Variants in PFKM observed in about 807,000 individuals in gnomAD.
PFKM encodes phosphofructokinase, muscle.
Under a neutral mutation model 95.5 loss-of-function variants are expected in PFKM, and 58 were observed. The ratio of observed to expected loss-of-function variants is 0.61; its 90% confidence interval spans 0.49 to 0.76. The LOEUF is 0.76. Ranked by LOEUF, PFKM falls within the 30% of genes least tolerant of loss-of-function variation. The pLI is 0.00. For synonymous variants in PFKM, 336 were observed against 357.2 expected, an observed-to-expected ratio of 0.94 and a Z score of 0.67; for missense variants, 678 against 1,005.4, an observed-to-expected ratio of 0.67 and a Z score of 4.40.
intron 5 of PFKM, 73 bp from the exon 6 acceptor site, chr12:48,133,242 C>T (rs1949702084): frequency 3.6e-6 from 5 of 1,396,496 alleles, no homozygotes; most frequent in South Asian, 1.2e-5. Flanking sequence ...GAGTTTCTCT[C>T]TCTCTAGATA....
Position 48,111,739 on chromosome 12 carries a change from G to C in PFKM, c.205+3545G>C, listed in dbSNP as rs139284469. Among the ~76,000 whole-genome samples, 428 of 152,276 alleles carry C rather than the reference G, an allele frequency of 2.8e-3. 1 individual carries two copies. The highest frequency in any genetic ancestry group is 4.1e-3 in the Non-Finnish European group (282 of 68,026). On this transcript the variant is annotated intron_variant, in intron 3 of 24. Transcript: ENST00000340802. ...GGGCAAATGGAGTGAATATCGGGTG[G>C]ATCAAAGAGAGACAGTCATGGGGGT...
intron 2 of PFKM, chr12:48,125,274 A>C: frequency 2.3e-6 from 1 of 436,452 alleles, no homozygotes; most frequent in Middle Eastern, 3.4e-4. Context: ...CTGTCTCCAG[A>C]TAGCCAGCCA....
At chr12:48,111,725 G>C (rs1208981884) in intron 3 of PFKM, among the ~76,000 whole-genome samples, 1 of 152,204 alleles carries the variant, frequency 6.6e-6, no homozygotes, top group African/African-American at 2.4e-5. Flanking sequence ...GGCAAATGGA[G>C]TGAATATCGG....
upstream of PFKM, among the ~76,000 whole-genome samples, chr12:48,115,230 C>T (rs967325651): frequency 3.9e-5 from 6 of 152,116 alleles, no homozygotes; most frequent in South Asian, 4.2e-4. Context: ...GCTGCTGACC[C>T]GGGTCTTCGG....
chr12:48,115,951 C>A (rs1454636274), upstream of PFKM, among the ~76,000 whole-genome samples: 1 of 152,004 alleles, frequency 6.6e-6, no homozygotes, highest in Non-Finnish European at 1.5e-5. Flanking sequence ...TAGGTATATA[C>A]CTAGGAGTGG....
At chr12:48,114,517 T>C (rs1947499074), upstream of PFKM, among the ~76,000 whole-genome samples, 1 of 152,038 alleles carries the variant, frequency 6.6e-6, no homozygotes, top group Non-Finnish European at 1.5e-5. Flanking sequence ...GAAGAAGAGT[T>C]GGAGCCTGAT....
intron 1 of PFKM, among the ~76,000 whole-genome samples, chr12:48,121,835 T>G (rs1592652780): frequency 6.6e-6 from 1 of 152,304 alleles, no homozygotes; most frequent in East Asian, 1.9e-4. Context: ...GTTACTGTTT[T>G]GAATCTGAGA....
At chr12:48,105,518 G>GA (rs1946464020), upstream of PFKM, 4 of 519,014 alleles carry the variant, frequency 7.7e-6, no homozygotes, top group East Asian at 2.2e-4. Context: ...ACATCTCAGG[G>GA]AGATACCACA....
intron 2 of PFKM, among the ~76,000 whole-genome samples, chr12:48,126,912 A>T (rs1448644894): frequency 6.6e-6 from 1 of 152,332 alleles, no homozygotes. Flanking sequence ...CCTTTCACAC[A>T]CATAGGCTAT....
At chr12:48,122,998 C>G in intron 2 of PFKM, 139 bp downstream of exon 2, 1 of 710,154 alleles carries the variant, frequency 1.4e-6, no homozygotes, top group Non-Finnish European at 2.5e-6. Context: ...AGGCCTAAGT[C>G]CTCAAGTGCA....
chr12:48,108,130 C>T, exon 3 of PFKM: 4 of 1,599,124 alleles, frequency 2.5e-6, no homozygotes, highest in Non-Finnish European at 2.5e-6. Context: ...AGACAGACAT[C>T]TTGAAGAGTC....
chr12:48,136,065 T>C (rs1311664687), intron 10 of PFKM, among the ~76,000 whole-genome samples: 2 of 152,036 alleles, frequency 1.3e-5, no homozygotes, highest in Non-Finnish European at 2.9e-5. Flanking sequence ...TATTTTGTAT[T>C]TTTAGTAGAG....
At position 48,140,872 on chromosome 12, in the gene PFKM, G is replaced by A; in HGVS notation, c.1341+1G>A. On this transcript the variant is annotated splice_donor_variant, in intron 14 of 22. Coordinates refer to ENST00000359794, the MANE Select transcript of PFKM (RefSeq NM_000289.6). LOFTEE classifies it high-confidence loss of function. ...TTTCGAGGGCCTGGCCAAGGGGCAGGTATGGGGACTATTCTGGGACCTAGG... is the reference window on the plus strand; with the variant it reads ...TTTCGAGGGCCTGGCCAAGGGGCAGATATGGGGACTATTCTGGGACCTAGG... 1.2e-6 allele frequency: 2 copies of A among 1,614,050 alleles called. No individual in the cohort carries two copies. Among genetic ancestry groups the A allele is most frequent in the Non-Finnish European group, 1.7e-6 (2 of 1,179,986 alleles).
chr12:48,115,155 A>G (rs937804124), upstream of PFKM, among the ~76,000 whole-genome samples: 12 of 152,172 alleles, frequency 7.9e-5, no homozygotes, highest in Admixed American at 6.5e-4. Flanking sequence ...TGGAGATCAG[A>G]CACCAATGGA....
chr12:48,107,534 T>A, intron 2 of PFKM: 4 of 911,148 alleles, frequency 4.4e-6, no homozygotes, highest in Non-Finnish European at 7.1e-6. Flanking sequence ...GATGTGAGGC[T>A]TTCTAGTGTA....
intron 3 of PFKM, among the ~76,000 whole-genome samples, chr12:48,110,550 A>G (rs768627841): frequency 1.3e-4 from 20 of 152,126 alleles, no homozygotes; most frequent in Non-Finnish European, 2.1e-4. Context: ...TCGTCAAACA[A>G]CAGAGATGAG....
At chr12:48,113,564 G>A (rs1947395404) in intron 3 of PFKM, among the ~76,000 whole-genome samples, 1 of 152,150 alleles carries the variant, frequency 6.6e-6, no homozygotes, top group African/African-American at 2.4e-5. Context: ...GGCATTGGTT[G>A]GCCCAAGTGG....
chr12:48,116,816 T>A (rs1947721390), upstream of PFKM, among the ~76,000 whole-genome samples: 1 of 152,226 alleles, frequency 6.6e-6, no homozygotes, highest in South Asian at 2.1e-4. Context: ...ATTAGTGTGG[T>A]ACACTTGTGA....
At chr12:48,139,437 G>A in intron 12 of PFKM, 88 bp downstream of exon 12, 2 of 983,638 alleles carry the variant, frequency 2.0e-6, no homozygotes, top group African/African-American at 1.6e-5. Context: ...CCCAAAACAT[G>A]AGCTTCTGCT....
Sources: allele counts gnomAD v4.1 joint callset (sites outside exome capture counted in the v4.1 genomes callset), GRCh38; gene constraint gnomAD v4.1.1; transcripts MANE v1.5; gene names NCBI Gene and HGNC (gene_info 2026-07-23, HGNC 2026-07-21).